Variants in OPCML observed in about 807,000 individuals in gnomAD.
The protein encoded by OPCML is opioid-binding protein/cell adhesion molecule.
OPCML carries 13 observed loss-of-function variants against 37.8 expected under a neutral mutation model. The ratio of observed to expected loss-of-function variants is 0.34; its 90% confidence interval spans 0.22 to 0.55. OPCML has a LOEUF of 0.55. OPCML is among the 20% of genes least tolerant of loss of function. The probability of loss-of-function intolerance (pLI) is 0.91; values close to 1 mark genes in which losing one functional copy is unlikely to be tolerated. For missense variants in OPCML, 341 were observed against 435.6 expected (o/e 0.78, Z 1.93); for synonymous variants, 176 against 168.8 (o/e 1.04, Z -0.33).
Position 132,993,175 on chromosome 11 carries a change from C to G in OPCML, c.62-50165G>C, listed in dbSNP as rs115690576. Among the ~76,000 whole-genome samples, 304 of 152,290 alleles carry G rather than the reference C, an allele frequency of 2.0e-3. 1 individual carries two copies. Among genetic ancestry groups the G allele is most frequent in the African/African-American group, 6.8e-3 (282 of 41,556 alleles). On this transcript the variant is annotated intron_variant, in intron 1 of 7. Transcript: ENST00000524381. ...TGTCATCCTTAGTGCAGCTCCAGGA[C>G]GTGCATGTCTATGTACGTAGGTATC...
At chr11:133,041,422 T>C (rs1396257771) in intron 1 of OPCML, among the ~76,000 whole-genome samples, 1 of 152,208 alleles carries the variant, frequency 6.6e-6, no homozygotes, top group East Asian at 1.9e-4. Context: ...CTCTTTCCGC[T>C]GTAGTTGCTG....
chr11:132,848,280 T>C, intron 2 of OPCML, among the ~76,000 whole-genome samples: 1 of 152,208 alleles, frequency 6.6e-6, no homozygotes, highest in East Asian at 1.9e-4. Context: ...CTTTAAAGAA[T>C]ATGCTCCCTG....
intron 1 of OPCML, among the ~76,000 whole-genome samples, chr11:133,096,130 ATGTGTGTG>A (rs59616366): frequency 4.7e-4 from 71 of 150,154 alleles, no homozygotes; most frequent in Middle Eastern, 3.4e-3. Flanking sequence ...TTGTGCACAA[ATGTGTGTG>A]TGTGTGTGTG....
At chr11:133,290,237 C>A (rs1942438514) in intron 1 of OPCML, among the ~76,000 whole-genome samples, 1 of 151,308 alleles carries the variant, frequency 6.6e-6, no homozygotes, top group African/African-American at 2.4e-5. Flanking sequence ...CCGTGGAGAC[C>A]CAGAGGGTAG....
At chr11:132,454,967 T>G (rs980731074) in intron 4 of OPCML, among the ~76,000 whole-genome samples, 3 of 152,180 alleles carry the variant, frequency 2.0e-5, no homozygotes, top group Non-Finnish European at 4.4e-5. Flanking sequence ...CTGACTAACC[T>G]TTTCCTGTGA....
chr11:132,884,481 G>A (rs912035808), intron 2 of OPCML, among the ~76,000 whole-genome samples: 18 of 152,162 alleles, frequency 1.2e-4, no homozygotes, highest in Non-Finnish European at 2.2e-4. Flanking sequence ...AAGATTGCTT[G>A]GGGTTTCTTT....
At chr11:133,004,130 A>T (rs960372714) in intron 1 of OPCML, 4 of 985,362 alleles carry the variant, frequency 4.1e-6, no homozygotes, top group Non-Finnish European at 3.6e-6. Flanking sequence ...CACACATCTC[A>T]AAAGCGGGAG....
At chr11:133,294,420 C>T (rs929493087) in intron 1 of OPCML, among the ~76,000 whole-genome samples, 4 of 152,064 alleles carry the variant, frequency 2.6e-5, no homozygotes, top group Admixed American at 1.3e-4. Context: ...CCTTTCCAGT[C>T]CTTACTTCAT....
At chr11:132,484,576 C>G (rs978334501) in intron 4 of OPCML, among the ~76,000 whole-genome samples, 1 of 152,056 alleles carries the variant, frequency 6.6e-6, no homozygotes, top group Admixed American at 6.6e-5. Flanking sequence ...GGGTATATAC[C>G]CAAAGGACTA....
At chr11:132,967,073 C>T (rs1233715911) in intron 1 of OPCML, among the ~76,000 whole-genome samples, 1 of 152,012 alleles carries the variant, frequency 6.6e-6, no homozygotes, top group Non-Finnish European at 1.5e-5. Flanking sequence ...CTACGTGTCA[C>T]ATGCCTTTTT....
In OPCML at chr11:133,208,075, G is replaced by A. The variant is rs1278716707; in HGVS notation, c.62-265065C>T. On this transcript the variant is annotated intron_variant, in intron 1 of 7. Coordinates refer to ENST00000524381, the MANE Select transcript of OPCML (RefSeq NM_001012393.5). This position sits in a 1 kb window ranked among gnomAD's most constrained non-coding sequence, Gnocchi z 8.9. ...GAGCTCCTTACTCTGAGCTCCCATAGCATTATTTTTTTCTCTCTTCAGAGC... is the reference window on the plus strand; with the variant it reads ...GAGCTCCTTACTCTGAGCTCCCATAACATTATTTTTTTCTCTCTTCAGAGC... Among the ~76,000 whole-genome samples, 1 of 152,036 alleles carries A rather than the reference G, an allele frequency of 6.6e-6. No homozygotes were observed. The highest frequency in any genetic ancestry group is 1.5e-5 in the Non-Finnish European group (1 of 68,014).
chr11:132,793,250 G>A (rs1159087112), intron 2 of OPCML, among the ~76,000 whole-genome samples: 3 of 152,120 alleles, frequency 2.0e-5, no homozygotes, highest in African/African-American at 4.8e-5. Flanking sequence ...GGCATGGGAC[G>A]ACCACCGCCT....
Position 132,738,900 on chromosome 11 carries a change from A to C in OPCML, c.147-81581T>G, listed in dbSNP as rs1026549702. The stretch of plus-strand genomic sequence containing the variant: ...TCAAGAAGGGTTACTAATGAAGAGG[A>C]TCAAAATATGCTAACCCAAAATATG... On this transcript the variant is annotated intron_variant, in intron 2 of 7. Coordinates refer to ENST00000524381, the MANE Select transcript of OPCML (RefSeq NM_001012393.5). Among the ~76,000 whole-genome samples the C allele has an allele frequency of 2.0e-5, 3 of 152,208 alleles. No homozygotes were observed. The East Asian group carries it at 5.8e-4, about 29-fold the overall frequency.
chr11:133,234,396 C>A (rs975467056), intron 1 of OPCML, among the ~76,000 whole-genome samples: 1 of 152,216 alleles, frequency 6.6e-6, no homozygotes, highest in Non-Finnish European at 1.5e-5. Flanking sequence ...GCAGTCAGTA[C>A]AAACTTGGCC....
At chr11:132,598,242 A>G (rs761838626) in intron 3 of OPCML, among the ~76,000 whole-genome samples, 6 of 151,944 alleles carry the variant, frequency 3.9e-5, no homozygotes, top group Non-Finnish European at 7.4e-5. Context: ...CCTAACATCT[A>G]TTGCCTTTTA....
chr11:132,422,460 CA>C (rs138978035), intron 7 of OPCML, among the ~76,000 whole-genome samples: 2,707 of 152,206 alleles, frequency 0.018, 39 homozygotes, highest in Non-Finnish European at 0.026. Context: ...TGGAGGTTTA[CA>C]GTCATATTCA....
At chr11:132,435,959 A>T (rs865888738) in intron 7 of OPCML, 127 bp downstream of exon 7, 1 of 816,872 alleles carries the variant, frequency 1.2e-6, no homozygotes, top group Middle Eastern at 3.1e-4. Context: ...AGTATGTCTT[A>T]TCTACAGGTG....
At position 133,206,200 on chromosome 11, in the gene OPCML, G is replaced by A. The variant is rs1939055320; in HGVS notation, c.62-263190C>T. Reference sequence around the variant, plus strand: ...AACTGCTTCCCATGGTGCCTAAAACGTCATCAATGCTCAATGAATGCGAGC... The same window carrying A: ...AACTGCTTCCCATGGTGCCTAAAACATCATCAATGCTCAATGAATGCGAGC... On this transcript the variant is annotated intron_variant, in intron 1 of 7. Coordinates refer to ENST00000524381, the MANE Select transcript of OPCML (RefSeq NM_001012393.5). This position sits in a 1 kb window ranked among gnomAD's most constrained non-coding sequence, Gnocchi z 4.7. Among the ~76,000 whole-genome samples, 1 of 152,110 alleles carries A rather than the reference G, an allele frequency of 6.6e-6. No homozygotes were observed. The highest frequency in any genetic ancestry group is 1.5e-5 in the Non-Finnish European group (1 of 68,034).
At chr11:133,143,104 G>A (rs73023512) in intron 1 of OPCML, among the ~76,000 whole-genome samples, 6,480 of 152,238 alleles carry the variant, frequency 0.043, 214 homozygotes, top group African/African-American at 0.088. Flanking sequence ...TCAGACTCCA[G>A]AGTGTAGCTG....
Sources: gnomAD v4.1 joint callset for allele counts (sites outside exome capture counted in the v4.1 genomes callset) on GRCh38, gnomAD v4.1.1 for gene constraint, Gnocchi (gnomAD v3.1) non-coding constraint, MANE v1.5 for transcripts, NCBI Gene and HGNC (gene_info 2026-07-23, HGNC 2026-07-21) for gene names.